Variants in TRPM1 observed in about 807,000 individuals in gnomAD.
The protein encoded by TRPM1 is transient receptor potential cation channel subfamily M member 1.
TRPM1 carries 113 observed loss-of-function variants against 149.4 expected under a neutral mutation model. The ratio of observed to expected loss-of-function variants is 0.76; its 90% confidence interval spans 0.65 to 0.88. The LOEUF (loss-of-function observed/expected upper bound fraction) is 0.88. Among genes scored for constraint, TRPM1 ranks in the 40% least tolerant of loss-of-function variants. The pLI, the probability that TRPM1 is intolerant of heterozygous loss-of-function variation, is 0.00. For synonymous variants in TRPM1, 741 were observed against 759.5 expected (o/e 0.98, Z 0.40); for missense variants, 1,976 against 2,038.7 (o/e 0.97, Z 0.59).
chr15:31,091,752 G>C (rs1338565658), intron 1 of TRPM1, among the ~76,000 whole-genome samples: 1 of 152,166 alleles, frequency 6.6e-6, no homozygotes, highest in Non-Finnish European at 1.5e-5. Context: ...GTCAGTGTCT[G>C]GGCTGCTCAT....
intron 1 of TRPM1, among the ~76,000 whole-genome samples, chr15:31,113,698 G>T (rs143085681): frequency 2.0e-5 from 3 of 151,994 alleles, no homozygotes; most frequent in Non-Finnish European, 2.9e-5. Flanking sequence ...TGTGCCCATA[G>T]TTAGTTCATT....
chr15:31,118,932 C>CA (rs2035839120), intron 1 of TRPM1, among the ~76,000 whole-genome samples: 1 of 152,088 alleles, frequency 6.6e-6, no homozygotes, highest in Non-Finnish European at 1.5e-5. Context: ...CAGTCCGTTG[C>CA]ATGACAGATT....
rs117519262 is a variant in TRPM1, at chr15:31,107,844, T to C, written c.55-30860A>G. On this transcript the variant is annotated intron_variant, in intron 1 of 26. Transcript: ENST00000542188. ...TTTAATGTCCACTTACTTTTGAATTTGTAAATTTCTTTTCTTTTCTTTTTT... is the reference window on the plus strand; with the variant it reads ...TTTAATGTCCACTTACTTTTGAATTCGTAAATTTCTTTTCTTTTCTTTTTT... Among the ~76,000 whole-genome samples the C allele has an allele frequency of 3.1e-3, 463 of 151,758 alleles. 2 individuals carry two copies. Among genetic ancestry groups the C allele is most frequent in the Middle Eastern group, 0.01 (3 of 294 alleles).
chr15:31,106,494 T>C (rs1327012173), upstream of TRPM1, among the ~76,000 whole-genome samples: 1 of 152,200 alleles, frequency 6.6e-6, no homozygotes, highest in Non-Finnish European at 1.5e-5. Context: ...TAAGTATAAA[T>C]ATATATGTAT....
intron 27 of TRPM1, among the ~76,000 whole-genome samples, chr15:31,004,928 C>T (rs2031931293): frequency 6.6e-6 from 1 of 151,938 alleles, no homozygotes; most frequent in African/African-American, 2.4e-5. Context: ...ATGGTGAAAC[C>T]CTGTCTCTAC....
intron 16 of TRPM1, 107 bp downstream of exon 16, chr15:31,046,097 G>A: frequency 9.8e-7 from 1 of 1,023,782 alleles, no homozygotes; most frequent in South Asian, 1.4e-5. Context: ...AAGACATCTA[G>A]GTAAATTTTG....
chr15:31,102,240 T>TC (rs1413069912), upstream of TRPM1, among the ~76,000 whole-genome samples: 1 of 151,972 alleles, frequency 6.6e-6, no homozygotes, highest in Non-Finnish European at 1.5e-5. Context: ...ATCCCTGCTC[T>TC]CCCCCCTTCA....
intron 27 of TRPM1, among the ~76,000 whole-genome samples, chr15:31,012,208 C>T (rs79207192): frequency 6.6e-6 from 1 of 152,068 alleles, no homozygotes; most frequent in Admixed American, 6.6e-5. Context: ...TTTACTGGTC[C>T]TCTTTATTTC....
At chr15:31,086,556 T>C (rs961431574) in intron 1 of TRPM1, among the ~76,000 whole-genome samples, 11 of 152,162 alleles carry the variant, frequency 7.2e-5, no homozygotes, top group Non-Finnish European at 1.2e-4. Flanking sequence ...GGCCCTGGCT[T>C]CTGGGTGCCT....
At chr15:31,104,633 G>C (rs7173182), upstream of TRPM1, among the ~76,000 whole-genome samples, 1 of 111,548 alleles carries the variant, frequency 9.0e-6, no homozygotes. Context: ...TTGCTCTGTT[G>C]CCCAGGCTGG....
Position 31,047,146 on chromosome 15 carries a change from GA to G in TRPM1, c.1728del (p.Arg577GlyfsTer51). 8 of 1,614,220 alleles carry G rather than the reference GA, an allele frequency of 5.0e-6. No homozygotes were observed. The highest frequency in any genetic ancestry group is 1.3e-5 in the African/African-American group (1 of 75,062). ...AYRCNYTRKN[F>X]RTLYNNLFGP... ...CCAAACAAGTTGTTGTAAAGGGTCC[GA>G]AAGTTTTTCCGAGTGTAGTTGCAGC... is the stretch of plus-strand genomic sequence containing the variant. On this transcript the variant is annotated frameshift_variant, in exon 15 of 28. Coordinates refer to ENST00000256552, the MANE Select transcript of TRPM1 (RefSeq NM_001252024.2). LOFTEE classifies it high-confidence loss of function.
At chr15:31,068,525 T>C (rs905807862) in intron 4 of TRPM1, among the ~76,000 whole-genome samples, 4 of 151,842 alleles carry the variant, frequency 2.6e-5, no homozygotes, top group Admixed American at 2.6e-4. Flanking sequence ...GTGGATCACT[T>C]GAGGTCAGGA....
At chr15:31,031,216 G>A (rs927922374) in intron 22 of TRPM1, 59 bp from the exon 23 acceptor site, 1 of 1,590,818 alleles carries the variant, frequency 6.3e-7, no homozygotes, top group East Asian at 2.2e-5. Flanking sequence ...GTTCACCCTG[G>A]CTCATTATAT....
In TRPM1 at chr15:31,066,158, A is replaced by G. The variant is rs769941745; in HGVS notation, c.708T>C (p.Asn236=). 6.2e-7 allele frequency: 1 copy of G among 1,614,140 alleles called. No homozygotes were observed. The highest frequency in any genetic ancestry group is 8.5e-7 in the Non-Finnish European group (1 of 1,180,010). The change falls in exon 7 of 28, where the codon AAT becomes AAC. Residue 236 remains asparagine (N), a synonymous_variant. Transcript: ENST00000256552. ...CGGCGCCATACTTGCCCAGGGTGCC[A>G]TTGTCAGCCAGGATGAAGTGGGTGT... ...NSHTHFILAD[N]GTLGKYGAEV... is the part of the protein sequence containing the mutation.
chr15:31,073,742 G>A (rs149306238), intron 3 of TRPM1, among the ~76,000 whole-genome samples: 4,762 of 151,974 alleles, frequency 0.031, 127 homozygotes, highest in Middle Eastern at 0.048. Flanking sequence ...CCATTAAAAT[G>A]TTGAATAGAA....
chr15:31,147,654 C>T (rs1162719064), intron 1 of TRPM1, among the ~76,000 whole-genome samples: 1 of 152,200 alleles, frequency 6.6e-6, no homozygotes, highest in Admixed American at 6.5e-5. Flanking sequence ...AATCGAGGTG[C>T]GAGCGAGGCC....
chr15:31,035,388 C>T (rs1211681981), intron 21 of TRPM1, among the ~76,000 whole-genome samples, 158 bp downstream of exon 21: 1 of 152,228 alleles, frequency 6.6e-6, no homozygotes, highest in East Asian at 1.9e-4. Flanking sequence ...TCAAGTGATC[C>T]ATCCGCCTCA....
chr15:31,145,778 A>T (rs1209711979), intron 1 of TRPM1, among the ~76,000 whole-genome samples: 1 of 152,114 alleles, frequency 6.6e-6, no homozygotes, highest in Non-Finnish European at 1.5e-5. Context: ...GAGGACTCAC[A>T]GGCTCATTTT....
intron 1 of TRPM1, among the ~76,000 whole-genome samples, chr15:31,109,286 A>G (rs914832199): frequency 7.5e-6 from 1 of 133,072 alleles, no homozygotes; most frequent in African/African-American, 2.9e-5. Flanking sequence ...GTGACCCGAG[A>G]TCACGCCACT....
Sources: gnomAD v4.1 joint callset for allele counts (sites outside exome capture counted in the v4.1 genomes callset) on GRCh38, gnomAD v4.1.1 for gene constraint, MANE v1.5 for transcripts, NCBI Gene and HGNC (gene_info 2026-07-23, HGNC 2026-07-21) for gene names.